The following LRRK1 variants were observed in gnomAD, a reference collection of about 807,000 sequenced individuals.
LRRK1 encodes the protein leucine rich repeat kinase 1.
LRRK1 carries 113 observed loss-of-function variants against 209.1 expected under a neutral mutation model. The observed-to-expected ratio is 0.54, with a 90% CI of 0.46 to 0.63. The LOEUF (loss-of-function observed/expected upper bound fraction) is 0.63. Ranked by LOEUF, LRRK1 falls within the 30% of genes least tolerant of loss-of-function variation. The pLI is 0.00. For missense variants in LRRK1, 2,284 were observed against 2,632.2 expected, an observed-to-expected ratio of 0.87 and a Z score of 2.89; for synonymous variants, 1,144 against 1,099.7, an observed-to-expected ratio of 1.04 and a Z score of -0.80.
At chr15:100,955,395 T>C (rs777233503) in intron 2 of LRRK1, among the ~76,000 whole-genome samples, 1 of 152,228 alleles carries the variant, frequency 6.6e-6, no homozygotes, top group Non-Finnish European at 1.5e-5. Flanking sequence ...CTAGGAGTTT[T>C]CTGGTGGAGT....
intron 6 of LRRK1, among the ~76,000 whole-genome samples, chr15:100,991,476 A>G (rs1241665228): frequency 6.6e-6 from 1 of 152,132 alleles, no homozygotes; most frequent in Non-Finnish European, 1.5e-5. Flanking sequence ...ATTTTAATGA[A>G]CTATCTATAT....
At position 100,941,446 on chromosome 15, in the gene LRRK1, C is replaced by CTGTG. The variant is rs2042428854; in HGVS notation, c.97+16723_97+16726dup. 2.9e-3 allele frequency among the ~76,000 whole-genome samples: 212 copies of CTGTG among 72,520 alleles called. 34 individuals are homozygous for CTGTG. The highest frequency in any genetic ancestry group is 0.014 in the African/African-American group (184 of 12,764). The allele number at this position is 72,520 out of a possible 152,430, so 47.6% of individuals were successfully genotyped here. A position where few individuals can be genotyped will look rare whatever the true frequency, so the allele number is the denominator to read the frequency against. On this transcript the variant is annotated intron_variant, in intron 2 of 33. Transcript: ENST00000388948. ...TGTGTGTCTGTGTGTGTGTGTGTGTCTGTGTGTGTCTATGTCTCTGTGTGT... is the reference window on the plus strand; with the variant it reads ...TGTGTGTCTGTGTGTGTGTGTGTGTCTGTGTGTGTGTGTCTATGTCTCTGTGTGT...
At chr15:100,996,577 G>A (rs1172480446) in intron 6 of LRRK1, among the ~76,000 whole-genome samples, 5 of 152,190 alleles carry the variant, frequency 3.3e-5, no homozygotes, top group African/African-American at 1.2e-4. Flanking sequence ...TCCAAATACT[G>A]AAGCTTTCCC....
intron 2 of LRRK1, among the ~76,000 whole-genome samples, chr15:100,946,303 G>A (rs1009924087): frequency 6.6e-6 from 1 of 152,156 alleles, no homozygotes; most frequent in Non-Finnish European, 1.5e-5. Context: ...CAGGTGGGGA[G>A]GGGATGGGGT....
intron 2 of LRRK1, among the ~76,000 whole-genome samples, chr15:100,949,046 G>A (rs1315095799): frequency 6.6e-6 from 1 of 152,016 alleles, no homozygotes; most frequent in African/African-American, 2.4e-5. Context: ...ATAAAATAGA[G>A]AATATAAAAG....
At chr15:100,922,414 G>C (rs1379820318) in intron 1 of LRRK1, among the ~76,000 whole-genome samples, 1 of 152,072 alleles carries the variant, frequency 6.6e-6, no homozygotes. Flanking sequence ...TGTGCTGGGT[G>C]AGGGTTAGCC....
At chr15:101,061,954 G>A (rs372898886) in intron 30 of LRRK1, among the ~76,000 whole-genome samples, 2 of 152,350 alleles carry the variant, frequency 1.3e-5, no homozygotes, top group South Asian at 2.1e-4. Flanking sequence ...GTTGCAATGA[G>A]CCAAGATCGC....
chr15:101,021,652 CAG>C (rs2033793149), intron 13 of LRRK1, 191 bp from the exon 14 acceptor site: 4 of 564,030 alleles, frequency 7.1e-6, no homozygotes, highest in African/African-American at 1.9e-5. Context: ...TTGCAGAAGA[CAG>C]AGCTGCCGTT....
chr15:100,983,330 G>A (rs565415267), intron 3 of LRRK1, among the ~76,000 whole-genome samples, 198 bp from the exon 4 acceptor site: 7 of 152,242 alleles, frequency 4.6e-5, no homozygotes, highest in East Asian at 1.9e-4. Flanking sequence ...TTGAATTCAC[G>A]TGTGATTTTA....
chr15:101,049,550 C>T (rs977180709), intron 22 of LRRK1, 94 bp from the exon 23 acceptor site: 33 of 1,445,434 alleles, frequency 2.3e-5, no homozygotes, highest in African/African-American at 8.5e-5. Context: ...TCCAGGTCCC[C>T]GGGGGTTGGT....
chr15:100,937,075 G>A lies in LRRK1; in HGVS notation c.97+12346G>A, dbSNP rs150274733. ...CACTATTGATTCTCTGTCTTTAAAGGTTATAGGTTTATGTAAATGTTCTAT... is the reference window on the plus strand; with the variant it reads ...CACTATTGATTCTCTGTCTTTAAAGATTATAGGTTTATGTAAATGTTCTAT... On this transcript the variant is annotated intron_variant, in intron 2 of 33. Transcript: ENST00000388948. Among the ~76,000 whole-genome samples, 654 of 152,196 alleles carry A rather than the reference G, an allele frequency of 4.3e-3. 13 individuals carry two copies. Among genetic ancestry groups the A allele is most frequent in the Non-Finnish European group, 2.5e-3 (172 of 68,006 alleles).
chr15:101,020,254 A>G (rs1382514321), intron 12 of LRRK1, among the ~76,000 whole-genome samples: 2 of 151,996 alleles, frequency 1.3e-5, no homozygotes, highest in Non-Finnish European at 2.9e-5. Context: ...GTGCATACAC[A>G]TGTGCAGGTG....
intron 2 of LRRK1, among the ~76,000 whole-genome samples, chr15:100,947,648 G>A (rs2042568067): frequency 6.6e-6 from 1 of 152,166 alleles, no homozygotes; most frequent in Non-Finnish European, 1.5e-5. Context: ...TACGTGGGCA[G>A]AAACGCATAT....
At chr15:100,931,762 G>A (rs1030926215) in intron 2 of LRRK1, among the ~76,000 whole-genome samples, 2 of 152,142 alleles carry the variant, frequency 1.3e-5, no homozygotes, top group African/African-American at 2.4e-5. Flanking sequence ...CAGCACCCAC[G>A]GGTTCAAAAA....
At position 101,077,240 on chromosome 15, in the gene LRRK1, C is replaced by G. The variant is rs1229892994; in HGVS notation, c.*8392C>G. 6.6e-6 allele frequency: 1 copy of G among 152,210 alleles called. No homozygotes were observed. The highest frequency in any genetic ancestry group is 1.5e-5 in the Non-Finnish European group (1 of 68,032). 9.4% of individuals were successfully genotyped at this position (152,210 alleles called of 1,614,324 possible). ...TTAGGCCCCAGTCTCATTCCAGACACCAGACCAACTTGGACTGTGCCCCAA... is the reference window on the plus strand; with the variant it reads ...TTAGGCCCCAGTCTCATTCCAGACAGCAGACCAACTTGGACTGTGCCCCAA... On this transcript the variant is annotated 3_prime_UTR_variant, in exon 34 of 34. Coordinates refer to ENST00000388948, the MANE Select transcript of LRRK1 (RefSeq NM_024652.6).
At chr15:101,062,473 T>G in intron 30 of LRRK1, 101 bp from the exon 31 acceptor site, 1 of 822,722 alleles carries the variant, frequency 1.2e-6, no homozygotes, top group South Asian at 1.4e-5. Context: ...CCAAGACCCA[T>G]AGGGGATCCC....
rs1248607059 is a variant in LRRK1, at chr15:101,065,816, C to T, written c.5379C>T (p.Asp1793=). The T allele has an allele frequency of 1.9e-6, 3 of 1,614,098 alleles. No homozygotes were observed. The South Asian group carries it at 3.3e-5, about 18-fold the overall frequency. ...ACATGTTTCCCGTGCGGCCCTTGGA[C>T]ACGGAACCCCCGGCAGCCAGCCACA... ...LRDMFPVRPL[D]TEPPAASHTA... is the part of the protein sequence containing the mutation. The change falls in exon 32 of 34, where the codon GAC becomes GAT. Residue 1793 remains aspartate (D), a synonymous_variant. Transcript: ENST00000388948.
intron 6 of LRRK1, among the ~76,000 whole-genome samples, chr15:100,994,082 T>C (rs1299690283): frequency 1.3e-5 from 2 of 152,210 alleles, no homozygotes; most frequent in African/African-American, 4.8e-5. Flanking sequence ...ATCTATGTAG[T>C]GCTTGTTACT....
In LRRK1 at chr15:101,015,317, T is replaced by TC. The variant is rs773424125; in HGVS notation, c.1533-3dup. 3.7e-6 allele frequency: 6 copies of TC among 1,610,420 alleles called. No homozygotes were observed. The highest frequency in any genetic ancestry group is 2.2e-5 in the East Asian group (1 of 44,800). Reference sequence around the variant, plus strand: ...GTCCTCAAATTTTGTCTCTTTTTCCTCCCCCCAGAAATGAAGATGGACTGA... The same window carrying TC: ...GTCCTCAAATTTTGTCTCTTTTTCCTCCCCCCCAGAAATGAAGATGGACTGA... On this transcript the variant is annotated splice_polypyrimidine_tract_variant and intron_variant, in intron 11 of 33. Transcript: ENST00000388948.
Sources: allele counts gnomAD v4.1 joint callset (sites outside exome capture counted in the v4.1 genomes callset), GRCh38; gene constraint gnomAD v4.1.1; transcripts MANE v1.5; gene names NCBI Gene and HGNC (gene_info 2026-07-23, HGNC 2026-07-21).